The following DLG2 variants were observed in gnomAD, a reference collection of about 807,000 sequenced individuals.
The protein encoded by DLG2 is discs large MAGUK scaffold protein 2, also known as disks large homolog 2.
Under a neutral mutation model 132.5 loss-of-function variants are expected in DLG2, and 45 were observed. The ratio of observed to expected loss-of-function variants is 0.34; its 90% CI spans 0.27 to 0.44. The LOEUF (loss-of-function observed/expected upper bound fraction) is 0.44. Ranked by LOEUF, DLG2 falls within the 20% of genes least tolerant of loss-of-function variation. The probability of loss-of-function intolerance (pLI) is 1.00; values close to 1 mark genes in which losing one functional copy is unlikely to be tolerated. For synonymous variants in DLG2, 424 were observed against 419.6 expected (o/e 1.01, Z -0.13); for missense variants, 1,045 against 1,196.9 (o/e 0.87, Z 1.87).
chr11:85,192,778 T>C (rs1252263181), intron 4 of DLG2, among the ~76,000 whole-genome samples: 3 of 152,178 alleles, frequency 2.0e-5, no homozygotes, highest in Non-Finnish European at 2.9e-5. Flanking sequence ...CTGAATCAAG[T>C]GCCTATCTTT....
At chr11:85,191,150 GCGCGCACGCGCGCA>G (rs2080506953) in intron 4 of DLG2, among the ~76,000 whole-genome samples, 2 of 125,970 alleles carry the variant, frequency 1.6e-5, no homozygotes, top group African/African-American at 3.2e-5. Flanking sequence ...GCATGCGCGC[GCGCGCACGCGCGCA>G]CACACACACA....
intron 10 of DLG2, among the ~76,000 whole-genome samples, chr11:84,071,254 CT>C (rs895695770): frequency 8.6e-5 from 13 of 151,076 alleles, no homozygotes; most frequent in South Asian, 2.1e-4. Flanking sequence ...ATCACACTGG[CT>C]TTTTTTTTAT....
chr11:84,436,414 C>T (rs1029729138), intron 7 of DLG2, among the ~76,000 whole-genome samples: 3 of 152,134 alleles, frequency 2.0e-5, no homozygotes, highest in African/African-American at 7.2e-5. Context: ...TGAGAGAAAA[C>T]ACTGTGCCAC....
At chr11:85,601,174 G>C (rs1156447987) in intron 2 of DLG2, among the ~76,000 whole-genome samples, 1 of 152,080 alleles carries the variant, frequency 6.6e-6, no homozygotes, top group Non-Finnish European at 1.5e-5. Context: ...TTAAGTTTAT[G>C]TGTAATTATT....
chr11:84,002,429 C>T (rs1475842712), intron 11 of DLG2, among the ~76,000 whole-genome samples: 1 of 152,148 alleles, frequency 6.6e-6, no homozygotes, highest in African/African-American at 2.4e-5. Flanking sequence ...ATGAGGGCTC[C>T]TCTCCCACAG....
At chr11:83,865,180 G>A (rs550559070) in intron 16 of DLG2, among the ~76,000 whole-genome samples, 4 of 152,260 alleles carry the variant, frequency 2.6e-5, no homozygotes, top group East Asian at 1.9e-4. Context: ...ACTAAAAGAC[G>A]TGATTGGAAT....
chr11:85,044,567 CA>C (rs1221224429), intron 6 of DLG2, among the ~76,000 whole-genome samples: 1 of 151,960 alleles, frequency 6.6e-6, no homozygotes, highest in Non-Finnish European at 1.5e-5. Context: ...AGTGTTATTA[CA>C]AAATAGTCAT....
intron 6 of DLG2, among the ~76,000 whole-genome samples, chr11:84,655,124 G>T (rs1396019403): frequency 6.6e-6 from 1 of 152,110 alleles, no homozygotes; most frequent in Non-Finnish European, 1.5e-5. Context: ...GTGAATCTTT[G>T]ATATATGAAA....
Position 84,156,068 on chromosome 11 carries a change from A to G in DLG2, c.624+7393T>C, listed in dbSNP as rs1242072470. ...ATGGAGGAGGAAATAATTCAAAAAT[A>G]TACTAGGAACGATAGAAGAATATAT... On this transcript the variant is annotated intron_variant, in intron 9 of 27. Coordinates refer to ENST00000376104, the MANE Select transcript of DLG2 (RefSeq NM_001142699.3). Among the ~76,000 whole-genome samples, 4 of 152,240 alleles carry G rather than the reference A, an allele frequency of 2.6e-5. 1 individual carries two copies. The highest frequency in any genetic ancestry group is 5.9e-5 in the Non-Finnish European group (4 of 68,042).
intron 6 of DLG2, among the ~76,000 whole-genome samples, chr11:84,811,185 C>T (rs1347628389): frequency 6.6e-6 from 1 of 152,016 alleles, no homozygotes; most frequent in Non-Finnish European, 1.5e-5. Flanking sequence ...AATTTCCTTC[C>T]CTGTCATTCC....
intron 6 of DLG2, among the ~76,000 whole-genome samples, chr11:84,568,496 G>T (rs2099466813): frequency 1.3e-5 from 2 of 152,166 alleles, no homozygotes; most frequent in South Asian, 4.1e-4. Flanking sequence ...GACAGAGCAA[G>T]ACACCATCTC....
At chr11:85,397,817 A>G (rs2087566143) in intron 3 of DLG2, among the ~76,000 whole-genome samples, 1 of 152,190 alleles carries the variant, frequency 6.6e-6, no homozygotes. Context: ...AGACTCCCAA[A>G]CAATAATAAT....
At chr11:85,283,025 G>C (rs1352746806) in intron 4 of DLG2, among the ~76,000 whole-genome samples, 5 of 151,928 alleles carry the variant, frequency 3.3e-5, no homozygotes, top group African/African-American at 1.2e-4. Flanking sequence ...TTATAAGTGG[G>C]AGCCAATGAT....
chr11:84,568,932 A>C (rs920019187), intron 6 of DLG2, among the ~76,000 whole-genome samples: 2 of 152,170 alleles, frequency 1.3e-5, no homozygotes, highest in Non-Finnish European at 1.5e-5. Context: ...ACCTATCTTG[A>C]ACGGTATCTC....
rs535243020 is a variant in DLG2 at position 83,840,512 on chromosome 11, A to G, written c.1566-6742T>C. Among the ~76,000 whole-genome samples the G allele has an allele frequency of 3.9e-5, 6 of 152,322 alleles. No individual in the cohort carries two copies. The East Asian group carries it at 1.2e-3, about 29-fold the overall frequency. On this transcript the variant is annotated intron_variant, in intron 16 of 27. Transcript: ENST00000376104. Reference sequence around the variant, plus strand: ...CACAAATGGGCAAAGCAGGATGAGAAGGAAATATAGCAAACTGGAAGACAC... The same window carrying G: ...CACAAATGGGCAAAGCAGGATGAGAGGGAAATATAGCAAACTGGAAGACAC...
At chr11:85,208,907 G>C (rs1007813218) in intron 4 of DLG2, among the ~76,000 whole-genome samples, 2 of 151,988 alleles carry the variant, frequency 1.3e-5, no homozygotes, top group Non-Finnish European at 2.9e-5. Flanking sequence ...ATTTGTTCTT[G>C]TCCTCAATGA....
At chr11:83,511,073 A>AACACACACACACAGACAC (rs2094996445) in intron 21 of DLG2, among the ~76,000 whole-genome samples, 1 of 88,410 alleles carries the variant, frequency 1.1e-5, no homozygotes, top group East Asian at 3.6e-4. Context: ...CACTTGCTCA[A>AACACACACACACAGACAC]ACACACACAC....
intron 18 of DLG2, among the ~76,000 whole-genome samples, chr11:83,719,168 G>T (rs1723478446): frequency 6.6e-6 from 1 of 152,210 alleles, no homozygotes; most frequent in African/African-American, 2.4e-5. Context: ...TTCTGGAAAA[G>T]TCTGTAGGTG....
At chr11:85,010,509 G>C (rs929021410) in intron 6 of DLG2, among the ~76,000 whole-genome samples, 2 of 152,052 alleles carry the variant, frequency 1.3e-5, no homozygotes, top group Non-Finnish European at 1.5e-5. Context: ...TCCTTGGATT[G>C]TCCTCTCTAT....
Sources: allele counts gnomAD v4.1 joint callset (sites outside exome capture counted in the v4.1 genomes callset), GRCh38; gene constraint gnomAD v4.1.1; transcripts MANE v1.5; gene names NCBI Gene and HGNC (gene_info 2026-07-23, HGNC 2026-07-21).